BCAS3: variants seen among roughly 807,000 people sequenced by gnomAD.
The protein encoded by BCAS3 is BCAS4/BCAS3 fusion.
In BCAS3, 53 loss-of-function variants were observed where a neutral mutation model predicts 116.1. That is an observed-to-expected ratio of 0.46 (90% confidence interval 0.37 to 0.57). The LOEUF is 0.57. BCAS3 is among the 20% of genes least tolerant of loss of function. The pLI is 0.00. For synonymous variants in BCAS3, 391 were observed against 408.2 expected, an observed-to-expected ratio of 0.96 and a Z score of 0.51; for missense variants, 917 against 1,165.4, an observed-to-expected ratio of 0.79 and a Z score of 3.10.
At chr17:61,374,365 T>G (rs1403962644) in intron 23 of BCAS3, among the ~76,000 whole-genome samples, 1 of 151,820 alleles carries the variant, frequency 6.6e-6, no homozygotes, top group South Asian at 2.1e-4. Flanking sequence ...GAGACAGGGT[T>G]TCACCATGTT....
chr17:60,757,846 C>T (rs1451518360), intron 6 of BCAS3, among the ~76,000 whole-genome samples: 1 of 152,028 alleles, frequency 6.6e-6, no homozygotes, highest in East Asian at 1.9e-4. Flanking sequence ...AGACCTATGT[C>T]TTGAAGTGTT....
rs1248459072 is a variant in BCAS3 at position 61,258,030 on chromosome 17, C to T, written c.2426-110297C>T. Reference sequence around the variant, plus strand: ...CTCTTCCCACCTTATTATTTTTGTGCACACTGTTCCTTCCTCTGAAGAGCC... The same window carrying T: ...CTCTTCCCACCTTATTATTTTTGTGTACACTGTTCCTTCCTCTGAAGAGCC... On this transcript the variant is annotated intron_variant, in intron 22 of 23. Coordinates refer to ENST00000407086, the MANE Select transcript of BCAS3 (RefSeq NM_017679.5). The surrounding 1 kb of genome is among the most constrained non-coding windows in gnomAD (Gnocchi z 4.7). Among the ~76,000 whole-genome samples, 1 of 152,168 alleles carries T rather than the reference C, an allele frequency of 6.6e-6. No individual in the cohort carries two copies. The highest frequency in any genetic ancestry group is 1.9e-4 in the East Asian group (1 of 5,194).
chr17:61,382,415 C>T (rs1038337477), intron 23 of BCAS3, among the ~76,000 whole-genome samples: 7 of 151,384 alleles, frequency 4.6e-5, no homozygotes, highest in African/African-American at 9.7e-5. Flanking sequence ...CACCCGCCAC[C>T]ACACCCAGCT....
chr17:61,080,358 A>G (rs1300918356), intron 21 of BCAS3, among the ~76,000 whole-genome samples: 1 of 152,126 alleles, frequency 6.6e-6, no homozygotes, highest in East Asian at 1.9e-4. Context: ...ACTCCTCTCC[A>G]TTCCTAATGC....
chr17:61,268,622 G>A (rs377564671), intron 22 of BCAS3, among the ~76,000 whole-genome samples: 36 of 150,956 alleles, frequency 2.4e-4, no homozygotes, highest in African/African-American at 7.8e-4. Flanking sequence ...TCATTCTGTC[G>A]CCCAGGCTGG....
intron 6 of BCAS3, among the ~76,000 whole-genome samples, chr17:60,786,379 G>A (rs2046285499): frequency 6.6e-6 from 1 of 151,928 alleles, no homozygotes; most frequent in African/African-American, 2.4e-5. Flanking sequence ...TGTTTTAGCT[G>A]GGCATGGTGG....
chr17:61,049,503 A>G (rs1353805118), intron 19 of BCAS3, among the ~76,000 whole-genome samples: 1 of 151,880 alleles, frequency 6.6e-6, no homozygotes, highest in African/African-American at 2.4e-5. Flanking sequence ...AATAATAGCC[A>G]AAATATTTCC....
chr17:60,996,322 G>C (rs2063832718), intron 15 of BCAS3, among the ~76,000 whole-genome samples: 1 of 152,118 alleles, frequency 6.6e-6, no homozygotes, highest in African/African-American at 2.4e-5. Context: ...GAAAAGATGA[G>C]GTTTGGAGTA....
intron 22 of BCAS3, among the ~76,000 whole-genome samples, chr17:61,287,231 G>C (rs1168135655): frequency 6.6e-6 from 1 of 151,046 alleles, no homozygotes; most frequent in African/African-American, 2.4e-5. Context: ...CTGGGCAACA[G>C]AGCCAGACTC....
At chr17:61,038,276 A>ATTT (rs1157013916) in intron 18 of BCAS3, among the ~76,000 whole-genome samples, 4 of 136,720 alleles carry the variant, frequency 2.9e-5, no homozygotes, top group East Asian at 2.1e-4. Context: ...AGTTTCTAGA[A>ATTT]TTTTTTTTTT....
At chr17:61,018,489 A>G (rs955974533) in intron 16 of BCAS3, among the ~76,000 whole-genome samples, 1 of 151,864 alleles carries the variant, frequency 6.6e-6, no homozygotes, top group Non-Finnish European at 1.5e-5. Context: ...TTTAGTACAG[A>G]CAGGGTTTCG....
chr17:60,838,788 G>A (rs1791630976), intron 7 of BCAS3, among the ~76,000 whole-genome samples: 1 of 152,186 alleles, frequency 6.6e-6, no homozygotes, highest in South Asian at 2.1e-4. Flanking sequence ...TATTAATCAT[G>A]CTGTACTTAT....
At chr17:61,052,124 CA>C (rs2068914619) in intron 19 of BCAS3, among the ~76,000 whole-genome samples, 1 of 151,892 alleles carries the variant, frequency 6.6e-6, no homozygotes, top group South Asian at 2.1e-4. Context: ...ATTATGTCTT[CA>C]AATATTTTTT....
At chr17:61,174,294 C>T (rs1272142930) in intron 22 of BCAS3, among the ~76,000 whole-genome samples, 9 of 152,264 alleles carry the variant, frequency 5.9e-5, no homozygotes, top group East Asian at 5.8e-4. Flanking sequence ...AACTTTGTGC[C>T]GTTTGACCTA....
At chr17:60,794,298 A>AT (rs1210492764) in intron 6 of BCAS3, among the ~76,000 whole-genome samples, 1 of 151,976 alleles carries the variant, frequency 6.6e-6, no homozygotes, top group Non-Finnish European at 1.5e-5. Flanking sequence ...TAGATTCTGG[A>AT]TATTAGCCCT....
chr17:60,892,286 C>T (rs911385137), intron 10 of BCAS3, among the ~76,000 whole-genome samples: 1 of 151,644 alleles, frequency 6.6e-6, no homozygotes. Context: ...CTCCATATTC[C>T]TGTCAACATC....
At chr17:61,078,256 A>G in intron 20 of BCAS3, 77 bp from the exon 21 acceptor site, 1 of 1,182,604 alleles carries the variant, frequency 8.5e-7, no homozygotes, top group Non-Finnish European at 1.2e-6. Context: ...GGGTGTTAAG[A>G]GGAAGAATGG....
rs1226670611 is a variant in BCAS3 at position 61,199,908 on chromosome 17, A to G, written c.2425+115344A>G. ...ATAACCTCTTAACCTTACGGGTTATAGGTCTCTTGCTTTTTGATCTTTCTT... is the reference window on the plus strand; with the variant it reads ...ATAACCTCTTAACCTTACGGGTTATGGGTCTCTTGCTTTTTGATCTTTCTT... On this transcript the variant is annotated intron_variant, in intron 22 of 23. Coordinates refer to ENST00000407086, the MANE Select transcript of BCAS3 (RefSeq NM_017679.5). The surrounding 1 kb of genome is among the most constrained non-coding windows in gnomAD (Gnocchi z 4.6). Among the ~76,000 whole-genome samples the G allele has an allele frequency of 1.3e-5, 2 of 152,154 alleles. No individual in the cohort carries two copies. The highest frequency in any genetic ancestry group is 4.8e-5 in the African/African-American group (2 of 41,446).
chr17:61,368,494 G>A lies in BCAS3; in HGVS notation c.2593G>A (p.Glu865Lys). The stretch of plus-strand genomic sequence containing the variant: ...CCGGGACGTCGTGGGATCCGGAACA[G>A]GTAAAGGTGTCATCAGACTTCTAGC... ...PSRDVVGSGT[E>K]LQREGSIETL... is the part of the protein sequence containing the mutation. Residue 865 changes from glutamate to lysine, a missense_variant and splice_region_variant, in exon 23 of 24, where the codon GAA becomes AAA. Around this residue, in one of 3 missense-constraint regions of BCAS3, gnomAD observed 109 missense variants for 122.8 expected, o/e 0.89. Coordinates refer to ENST00000407086, the MANE Select transcript of BCAS3 (RefSeq NM_017679.5). The surrounding 1 kb of genome is among the most constrained non-coding windows in gnomAD (Gnocchi z 6.0). 6 of 1,598,306 alleles carry A rather than the reference G, an allele frequency of 3.8e-6. No individual in the cohort carries two copies. The highest frequency in any genetic ancestry group is 5.1e-6 in the Non-Finnish European group (6 of 1,167,368).
Sources: gnomAD v4.1 joint callset for allele counts (sites outside exome capture counted in the v4.1 genomes callset) on GRCh38, gnomAD v4.1.1 for gene constraint, gnomAD v4.1.1 regional missense constraint, Gnocchi (gnomAD v3.1) non-coding constraint, MANE v1.5 for transcripts, NCBI Gene and HGNC (gene_info 2026-07-23, HGNC 2026-07-21) for gene names.